The following PHF11 variants were observed in gnomAD, a reference collection of about 807,000 sequenced individuals.
PHF11 encodes BRCA1 C-terminus-associated protein.
In PHF11, 38 loss-of-function variants were observed where a neutral mutation model predicts 40.5. That is an observed-to-expected ratio of 0.94 (90% confidence interval 0.72 to 1.23). The LOEUF (loss-of-function observed/expected upper bound fraction) is 1.23, where lower values mean the gene tolerates loss of function less well. PHF11 is among the 50% of genes most tolerant of loss of function. PHF11 has a pLI of 0.00. For missense variants in PHF11, 369 were observed against 392.4 expected, an observed-to-expected ratio of 0.94 and a Z score of 0.50; for synonymous variants, 127 against 138.2, an observed-to-expected ratio of 0.92 and a Z score of 0.57.
At chr13:49,506,608 A>G in intron 1 of PHF11, 27 bp from the exon 2 acceptor site, 1 of 1,611,524 alleles carries the variant, frequency 6.2e-7, no homozygotes, top group Non-Finnish European at 8.5e-7. Flanking sequence ...CCACTTTTCC[A>G]TTTCTCACCA....
intron 2 of PHF11, among the ~76,000 whole-genome samples, chr13:49,511,633 G>A (rs1959084496): frequency 6.6e-6 from 1 of 152,100 alleles, no homozygotes; most frequent in Admixed American, 6.6e-5. Context: ...CGGCTATTCA[G>A]TAATTTTTAT....
intron 2 of PHF11, among the ~76,000 whole-genome samples, chr13:49,511,367 C>A (rs1959080719): frequency 1.2e-5 from 1 of 84,804 alleles, no homozygotes. Context: ...GCTTTTTTTG[C>A]CCAGGCTGGA....
chr13:49,518,914 C>T (rs1487164981), intron 4 of PHF11: 3 of 148,354 alleles, frequency 2.0e-5, no homozygotes, highest in Non-Finnish European at 4.4e-5. Context: ...CGGCTCACTG[C>T]AAGCTCCGCC....
rs1255188023 is a variant in PHF11 at position 49,506,626 on chromosome 13, T to C, written c.95-9T>C. The stretch of plus-strand genomic sequence containing the variant: ...CTTTTCCATTTCTCACCAGGGATAT[T>C]ACTTATAGGTGTCTTTCAGGTTGCA... On this transcript the variant is annotated splice_polypyrimidine_tract_variant and intron_variant, in intron 1 of 9. Transcript: ENST00000378319. 4 of 1,612,976 alleles carry C rather than the reference T, an allele frequency of 2.5e-6. No homozygotes were observed. The South Asian group carries it at 3.3e-5, about 13-fold the overall frequency.
At chr13:49,520,019 A>C (rs1461656473) in intron 4 of PHF11, among the ~76,000 whole-genome samples, 1 of 152,196 alleles carries the variant, frequency 6.6e-6, no homozygotes, top group African/African-American at 2.4e-5. Flanking sequence ...TGGCCTGAGC[A>C]GCTCTATAAA....
rs758297378 is a variant in PHF11 at position 49,523,207 on chromosome 13, A to G, written c.603A>G (p.Ile201Met). The G allele has an allele frequency of 1.9e-5, 31 of 1,612,410 alleles. No individual in the cohort carries two copies. The highest frequency in any genetic ancestry group is 2.7e-5 in the African/African-American group (2 of 74,908). Residue 201 changes from isoleucine to methionine, a missense_variant, in exon 7 of 10, where the codon ATA (isoleucine) becomes ATG (methionine). By Grantham distance (10) the Ile-to-Met change is conservative. Transcript: ENST00000378319. ...AAACAATGAAATGTAATACATTCATAAGACAAGTGAAAGAAGAGCATGGCA... is the reference window on the plus strand; with the variant it reads ...AAACAATGAAATGTAATACATTCATGAGACAAGTGAAAGAAGAGCATGGCA... ...PPETMKCNTFIRQVKEEHGRH... is the reference protein window; with the variant it reads ...PPETMKCNTFMRQVKEEHGRH...
chr13:49,505,217 C>T (rs1009909112), intron 1 of PHF11, among the ~76,000 whole-genome samples: 2 of 150,450 alleles, frequency 1.3e-5, no homozygotes, highest in Admixed American at 6.6e-5. Flanking sequence ...TAGCTCATTC[C>T]GTCTGAGCAG....
At chr13:49,514,351 T>C (rs758843845) in intron 3 of PHF11, among the ~76,000 whole-genome samples, 21 of 152,142 alleles carry the variant, frequency 1.4e-4, no homozygotes, top group Non-Finnish European at 2.5e-4. Context: ...ATCGAAGAAA[T>C]GGAAAGTGCA....
At chr13:49,518,273 A>G (rs1959171196) in intron 4 of PHF11, 122 bp downstream of exon 4, 1 of 551,006 alleles carries the variant, frequency 1.8e-6, no homozygotes, top group Admixed American at 3.4e-5. Context: ...GAACAAAGCC[A>G]GTTTGGGGGA....
At chr13:49,524,754 G>A (rs901654957) in intron 8 of PHF11, among the ~76,000 whole-genome samples, 1 of 152,022 alleles carries the variant, frequency 6.6e-6, no homozygotes, top group African/African-American at 2.4e-5. Flanking sequence ...TGGATTACAG[G>A]CATGAGCCAC....
intron 2 of PHF11, among the ~76,000 whole-genome samples, chr13:49,511,254 C>A (rs752315966): frequency 1.6e-4 from 24 of 151,142 alleles, no homozygotes; most frequent in Non-Finnish European, 2.8e-4. Context: ...TGATAAAAAT[C>A]AGCTATAAGC....
chr13:49,510,512 G>A (rs1279369807), intron 2 of PHF11, among the ~76,000 whole-genome samples: 2 of 151,938 alleles, frequency 1.3e-5, no homozygotes, highest in Non-Finnish European at 1.5e-5. Context: ...TTTGAGACAA[G>A]GTCTCCCCAG....
rs1399096102 is a variant in PHF11 at position 49,528,959 on chromosome 13, T to C, written c.*294T>C. 4.4e-6 allele frequency: 1 copy of C among 229,174 alleles called. No individual in the cohort carries two copies. The highest frequency in any genetic ancestry group is 8.4e-6 in the Non-Finnish European group (1 of 118,960). The allele number at this position is 229,174 out of a possible 1,614,324, so 14.2% of individuals were successfully genotyped here. On this transcript the variant is annotated 3_prime_UTR_variant, in exon 10 of 10. Coordinates refer to ENST00000378319, the MANE Select transcript of PHF11 (RefSeq NM_001040443.3). ...GCCCATGATAGCCTCTTAGATATAA[T>C]AAATTTGGATTATACTACTTTACTT...
intron 7 of PHF11, chr13:49,523,745 G>T: frequency 4.8e-6 from 1 of 209,418 alleles, no homozygotes; most frequent in Non-Finnish European, 9.4e-6. Context: ...CACCACTGAA[G>T]AACTTATCCA....
intron 1 of PHF11, 138 bp from the exon 2 acceptor site, chr13:49,506,497 C>A: frequency 4.2e-6 from 3 of 720,922 alleles, no homozygotes; most frequent in South Asian, 3.2e-5. Context: ...CACTTGGGTC[C>A]CCAATATTTT....
chr13:49,511,378 G>A (rs1959080878), intron 2 of PHF11, among the ~76,000 whole-genome samples: 1 of 149,036 alleles, frequency 6.7e-6, no homozygotes, highest in African/African-American at 2.5e-5. Flanking sequence ...CCAGGCTGGA[G>A]TGTGATGGCG....
rs1451904473 is a variant in PHF11 at position 49,523,249 on chromosome 13, CTAAG to C, written c.637+10_637+13del. The C allele has an allele frequency of 6.3e-7, 1 of 1,591,818 alleles. No individual in the cohort carries two copies. Among genetic ancestry groups the C allele is most frequent in the Non-Finnish European group, 8.6e-7 (1 of 1,159,818 alleles). On this transcript the variant is annotated intron_variant, in intron 7 of 9. Coordinates refer to ENST00000378319, the MANE Select transcript of PHF11 (RefSeq NM_001040443.3). Reference sequence around the variant, plus strand: ...AGCATGGCAGACACACAGGTTTGCGCTAAGTGTTGTCTGTAACAAATATGGCCTA... The same window carrying C: ...AGCATGGCAGACACACAGGTTTGCGCTGTTGTCTGTAACAAATATGGCCTA...
At chr13:49,514,525 G>A (rs1959124359) in intron 3 of PHF11, among the ~76,000 whole-genome samples, 1 of 152,138 alleles carries the variant, frequency 6.6e-6, no homozygotes, top group African/African-American at 2.4e-5. Context: ...AGCCAAGGCA[G>A]TTGAGGACTG....
intron 3 of PHF11, among the ~76,000 whole-genome samples, chr13:49,514,379 C>A (rs1420968270): frequency 6.6e-6 from 1 of 152,126 alleles, no homozygotes; most frequent in African/African-American, 2.4e-5. Context: ...AGGCAACAGT[C>A]CAGATGGAAT....
Sources: allele counts gnomAD v4.1 joint callset (sites outside exome capture counted in the v4.1 genomes callset), GRCh38; gene constraint gnomAD v4.1.1; transcripts MANE v1.5; gene names NCBI Gene and HGNC (gene_info 2026-07-23, HGNC 2026-07-21).